Variants in GRAMD1B observed in about 807,000 individuals in gnomAD.
GRAMD1B encodes protein Aster-B.
In GRAMD1B, 37 loss-of-function variants were observed where a neutral mutation model predicts 99.7. The observed-to-expected ratio is 0.37, with a 90% CI of 0.29 to 0.49. The LOEUF is 0.49. Ranked by LOEUF, GRAMD1B falls within the 20% of genes least tolerant of loss-of-function variation. The pLI is 0.98. For missense variants in GRAMD1B, 888 were observed against 1,009.2 expected (o/e 0.88, Z 1.63); for synonymous variants, 427 against 387.6 (o/e 1.10, Z -1.19).
At chr11:123,585,073 T>G (rs988354190) in intron 4 of GRAMD1B, among the ~76,000 whole-genome samples, 2 of 152,198 alleles carry the variant, frequency 1.3e-5, no homozygotes, top group African/African-American at 4.8e-5. Context: ...GACTTCACAG[T>G]GGAGGGGCTG....
intron 1 of GRAMD1B, among the ~76,000 whole-genome samples, chr11:123,439,337 C>T (rs1200392309): frequency 6.6e-6 from 1 of 152,134 alleles, no homozygotes; most frequent in Non-Finnish European, 1.5e-5. Flanking sequence ...TGGGCAGTAG[C>T]CAGCCACTCC....
intron 1 of GRAMD1B, among the ~76,000 whole-genome samples, chr11:123,402,355 C>G (rs1396711962): frequency 1.3e-5 from 2 of 152,130 alleles, no homozygotes; most frequent in Non-Finnish European, 2.9e-5. Context: ...TGGTTTATGT[C>G]TGATTAGGGG....
intron 2 of GRAMD1B, among the ~76,000 whole-genome samples, chr11:123,546,913 C>G (rs2673331): frequency 6.6e-6 from 1 of 152,012 alleles, no homozygotes; most frequent in South Asian, 2.1e-4. Context: ...GGGGTTTGGA[C>G]ACCTTTGGTT....
intron 1 of GRAMD1B, among the ~76,000 whole-genome samples, chr11:123,467,833 C>CCTTCCTTCCTT (rs201070086): frequency 2.9e-4 from 29 of 98,920 alleles, no homozygotes; most frequent in African/African-American, 7.4e-4. Context: ...CTCCCTCCCT[C>CCTTCCTTCCTT]CCTCCCTCCC....
chr11:123,609,580 T>C (rs889835470), intron 12 of GRAMD1B, among the ~76,000 whole-genome samples: 6 of 152,176 alleles, frequency 3.9e-5, no homozygotes, highest in Admixed American at 6.5e-5. Flanking sequence ...TCTGGAGCAT[T>C]GTGTAGAATT....
At chr11:123,467,896 G>A (rs1276864539) in intron 1 of GRAMD1B, among the ~76,000 whole-genome samples, 2 of 130,182 alleles carry the variant, frequency 1.5e-5, no homozygotes, top group African/African-American at 5.7e-5. Context: ...ATGGAGTCTC[G>A]TTCTGTCGCC....
At chr11:123,583,625 G>A (rs1949712572) in intron 3 of GRAMD1B, among the ~76,000 whole-genome samples, 1 of 152,112 alleles carries the variant, frequency 6.6e-6, no homozygotes, top group Non-Finnish European at 1.5e-5. Flanking sequence ...CCTTCCTCCT[G>A]GGTCTGGGAA....
intron 1 of GRAMD1B, among the ~76,000 whole-genome samples, chr11:123,422,709 C>A (rs1948493159): frequency 6.6e-6 from 1 of 152,206 alleles, no homozygotes; most frequent in African/African-American, 2.4e-5. Flanking sequence ...ACCATGCTTT[C>A]TTTTATGCCT....
chr11:123,606,996 G>A (rs1452040650), intron 11 of GRAMD1B, among the ~76,000 whole-genome samples, 198 bp downstream of exon 11: 1 of 152,144 alleles, frequency 6.6e-6, no homozygotes, highest in Non-Finnish European at 1.5e-5. Flanking sequence ...CATAGATAAT[G>A]CTTTGTTCTG....
chr11:123,400,340 G>T (rs1016836847), intron 1 of GRAMD1B, among the ~76,000 whole-genome samples: 1 of 152,056 alleles, frequency 6.6e-6, no homozygotes, highest in African/African-American at 2.4e-5. Flanking sequence ...AGTCAGGCAT[G>T]GTGGCATGTA....
intron 2 of GRAMD1B, among the ~76,000 whole-genome samples, chr11:123,560,030 T>C (rs1329130775): frequency 2.0e-5 from 3 of 151,698 alleles, no homozygotes; most frequent in Non-Finnish European, 4.4e-5. Context: ...GAACATGGTC[T>C]TGTATTTTGT....
intron 2 of GRAMD1B, among the ~76,000 whole-genome samples, chr11:123,546,025 G>T (rs1008235074): frequency 6.6e-6 from 1 of 152,218 alleles, no homozygotes; most frequent in African/African-American, 2.4e-5. Flanking sequence ...GGACAGCATC[G>T]GCAAGTCTGT....
intron 1 of GRAMD1B, among the ~76,000 whole-genome samples, chr11:123,388,117 A>ACTC (rs1947136392): frequency 8.2e-6 from 1 of 122,576 alleles, no homozygotes; most frequent in Admixed American, 9.7e-5. Flanking sequence ...CAAAAGCGAG[A>ACTC]CTCCTCCTCC....
At chr11:123,573,443 C>T (rs763121551) in intron 2 of GRAMD1B, among the ~76,000 whole-genome samples, 2 of 152,172 alleles carry the variant, frequency 1.3e-5, no homozygotes. Flanking sequence ...TTTCTTTGTA[C>T]TCACCCAGCT....
intron 2 of GRAMD1B, among the ~76,000 whole-genome samples, chr11:123,573,523 C>T (rs1791710): frequency 0.63 from 95,899 of 151,988 alleles, 30,909 homozygotes; most frequent in East Asian, 0.82. Context: ...TGCCTGCTTC[C>T]GAAAATGAGC....
At chr11:123,426,924 G>A (rs1948673796), upstream of GRAMD1B, among the ~76,000 whole-genome samples, 1 of 152,028 alleles carries the variant, frequency 6.6e-6, no homozygotes, top group African/African-American at 2.4e-5. Context: ...GTAGGAAAAG[G>A]GAGCTTGTGC....
chr11:123,457,117 A>AGAAAAGAAAGAAAGAAAGAAAG, intron 1 of GRAMD1B, among the ~76,000 whole-genome samples: 1 of 99,436 alleles, frequency 1.0e-5, no homozygotes, highest in African/African-American at 3.6e-5. Context: ...TTCTGAGAAA[A>AGAAAAGAAAGAAAGAAAGAAAG]AAAGAAAGAA....
chr11:123,580,343 T>C (rs73615860), intron 3 of GRAMD1B, among the ~76,000 whole-genome samples: 8,224 of 152,218 alleles, frequency 0.054, 336 homozygotes, highest in African/African-American at 0.12. Context: ...CCCCTCCCCG[T>C]GGAACATCTT....
upstream of GRAMD1B, among the ~76,000 whole-genome samples, chr11:123,428,190 A>C (rs1190847048): frequency 6.6e-6 from 1 of 152,126 alleles, no homozygotes; most frequent in South Asian, 2.1e-4. Context: ...AGGTTCCTTG[A>C]ACTGGGAAGT....
Sources: gnomAD v4.1 joint callset for allele counts (sites outside exome capture counted in the v4.1 genomes callset) on GRCh38, gnomAD v4.1.1 for gene constraint, MANE v1.5 for transcripts, NCBI Gene and HGNC (gene_info 2026-07-23, HGNC 2026-07-21) for gene names.